Variants in COL19A1 observed in about 807,000 individuals in gnomAD.
The protein encoded by COL19A1 is collagen alpha-1(XIX) chain.
Under a neutral mutation model 190.2 loss-of-function variants are expected in COL19A1, and 159 were observed. That is an observed-to-expected ratio of 0.84 (90% CI 0.73 to 0.95). The LOEUF is 0.95. COL19A1 is among the 40% of genes least tolerant of loss of function. The pLI, the probability that COL19A1 is intolerant of heterozygous loss-of-function variation, is 0.00. For missense variants in COL19A1, 1,418 were observed against 1,431.9 expected (o/e 0.99, Z 0.16); for synonymous variants, 509 against 458.9 (o/e 1.11, Z -1.39).
intron 4 of COL19A1, among the ~76,000 whole-genome samples, chr6:69,906,777 T>A (rs1457635183): frequency 6.6e-6 from 1 of 152,220 alleles, no homozygotes; most frequent in East Asian, 1.9e-4. Context: ...TTTATGAAAG[T>A]AAAGATAATT....
intron 4 of COL19A1, among the ~76,000 whole-genome samples, chr6:69,911,909 T>C (rs1471026724): frequency 6.6e-6 from 1 of 152,208 alleles, no homozygotes; most frequent in Non-Finnish European, 1.5e-5. Flanking sequence ...CTCACAGACT[T>C]CTTAAAGGAA....
At chr6:70,103,281 G>T (rs1463766181) in intron 16 of COL19A1, among the ~76,000 whole-genome samples, 1 of 152,040 alleles carries the variant, frequency 6.6e-6, no homozygotes, top group Non-Finnish European at 1.5e-5. Flanking sequence ...CGTCTTCACT[G>T]TCAACGGCCT....
chr6:70,035,497 G>A (rs896398162), intron 13 of COL19A1, among the ~76,000 whole-genome samples: 5 of 152,170 alleles, frequency 3.3e-5, no homozygotes, highest in Admixed American at 1.3e-4. Flanking sequence ...ATGAAATGGG[G>A]AGATCCACTT....
intron 27 of COL19A1, among the ~76,000 whole-genome samples, chr6:70,147,873 C>A (rs1392524638): frequency 6.6e-6 from 1 of 152,162 alleles, no homozygotes; most frequent in Non-Finnish European, 1.5e-5. Context: ...ATGACCCCCA[C>A]CTCAGGTTCT....
intron 47 of COL19A1, 135 bp downstream of exon 47, chr6:70,188,380 G>A: frequency 9.7e-6 from 10 of 1,026,248 alleles, no homozygotes; most frequent in Non-Finnish European, 1.4e-5. Flanking sequence ...AATAATAGCT[G>A]TCATTTAAAG....
At chr6:70,115,614 C>T (rs182623491) in intron 16 of COL19A1, among the ~76,000 whole-genome samples, 11 of 152,216 alleles carry the variant, frequency 7.2e-5, no homozygotes, top group Admixed American at 6.5e-4. Flanking sequence ...AAAAGACCTC[C>T]TCCCAGGAAC....
At chr6:70,052,369 C>G (rs918714446) in intron 14 of COL19A1, among the ~76,000 whole-genome samples, 2 of 152,134 alleles carry the variant, frequency 1.3e-5, no homozygotes, top group Non-Finnish European at 2.9e-5. Context: ...AATAGAAATG[C>G]AAAAGACTCA....
At chr6:70,034,070 C>G (rs1191591983) in intron 12 of COL19A1, among the ~76,000 whole-genome samples, 175 bp from the exon 13 acceptor site, 3 of 152,134 alleles carry the variant, frequency 2.0e-5, no homozygotes, top group Non-Finnish European at 4.4e-5. Context: ...TCTGTGCCCA[C>G]CACGGCACAG....
At chr6:70,002,492 T>C (rs1777323266) in intron 11 of COL19A1, among the ~76,000 whole-genome samples, 1 of 151,928 alleles carries the variant, frequency 6.6e-6, no homozygotes, top group Non-Finnish European at 1.5e-5. Flanking sequence ...TCCTGGGCTT[T>C]TTTTTTGGTT....
intron 1 of COL19A1, among the ~76,000 whole-genome samples, chr6:69,867,032 A>C (rs1463203837): frequency 4.2e-4 from 63 of 151,770 alleles, no homozygotes; most frequent in Admixed American, 3.9e-3. Flanking sequence ...AATACATTAC[A>C]AAAAAAATGG....
Position 70,207,397 on chromosome 6 carries a change from C to T in COL19A1, c.*123C>T, listed in dbSNP as rs1767959684. ...TTTTTTTTTTTTTTTTGGGAGTAAG[C>T]CAGGCATTAAAAGCAACCGTTTGAA... On this transcript the variant is annotated 3_prime_UTR_variant, in exon 51 of 51. Transcript: ENST00000620364. 1.0e-6 allele frequency: 1 copy of T among 976,090 alleles called. No homozygotes were observed. Among genetic ancestry groups the T allele is most frequent in the Non-Finnish European group, 1.4e-6 (1 of 725,468 alleles). 60.5% of individuals were successfully genotyped at this position (976,090 alleles called of 1,614,324 possible).
At chr6:69,997,026 T>TATATATATAGAG (rs576813975) in intron 11 of COL19A1, among the ~76,000 whole-genome samples, 153 of 146,964 alleles carry the variant, frequency 1.0e-3, no homozygotes, top group South Asian at 5.3e-3. Flanking sequence ...TATATATATA[T>TATATATATAGAG]AGAGAGAGAG....
intron 11 of COL19A1, among the ~76,000 whole-genome samples, chr6:69,976,268 T>G (rs1775708307): frequency 6.6e-6 from 1 of 152,220 alleles, no homozygotes; most frequent in Non-Finnish European, 1.5e-5. Context: ...AGTGGTTATC[T>G]AGAATTAATG....
At chr6:69,875,814 C>T (rs1435075333) in intron 1 of COL19A1, among the ~76,000 whole-genome samples, 1 of 152,130 alleles carries the variant, frequency 6.6e-6, no homozygotes, top group East Asian at 1.9e-4. Context: ...GCTGGACACA[C>T]AGTCTAAAGT....
At chr6:69,966,182 G>A (rs770666974) in intron 11 of COL19A1, among the ~76,000 whole-genome samples, 39 of 152,046 alleles carry the variant, frequency 2.6e-4, no homozygotes, top group African/African-American at 8.7e-4. Flanking sequence ...CAGCTGCCCC[G>A]TGCGGGAGGT....
chr6:70,152,424 T>C lies in COL19A1; in HGVS notation c.2079+986T>C, dbSNP rs188509686. Among the ~76,000 whole-genome samples the C allele has an allele frequency of 9.1e-4, 139 of 152,222 alleles. 1 individual carries two copies. Among genetic ancestry groups the C allele is most frequent in the South Asian group, 1.9e-3 (9 of 4,834 alleles). On this transcript the variant is annotated intron_variant, in intron 31 of 50. Coordinates refer to ENST00000620364, the MANE Select transcript of COL19A1 (RefSeq NM_001858.6). ...TAAGGTAGAGTTTTGAGAATAGATATATAAACATAAGTGTAAATATGAATA... is the reference window on the plus strand; with the variant it reads ...TAAGGTAGAGTTTTGAGAATAGATACATAAACATAAGTGTAAATATGAATA...
chr6:70,034,563 A>G (rs1234615748), intron 13 of COL19A1, among the ~76,000 whole-genome samples: 1 of 152,186 alleles, frequency 6.6e-6, no homozygotes, highest in African/African-American at 2.4e-5. Context: ...GAGGTATTCA[A>G]TCATCAAATT....
chr6:69,911,538 TGTG>T (rs1423654150), intron 4 of COL19A1, among the ~76,000 whole-genome samples: 1 of 152,236 alleles, frequency 6.6e-6, no homozygotes, highest in Non-Finnish European at 1.5e-5. Context: ...TATGAACACA[TGTG>T]GTGATGCCAT....
intron 2 of COL19A1, among the ~76,000 whole-genome samples, chr6:69,896,840 C>CT (rs544831883): frequency 5.2e-4 from 79 of 152,160 alleles, no homozygotes; most frequent in Admixed American, 4.8e-3. Flanking sequence ...GATTTTCAAG[C>CT]TTTTTTTGTT....
Sources: gnomAD v4.1 joint callset for allele counts (sites outside exome capture counted in the v4.1 genomes callset) on GRCh38, gnomAD v4.1.1 for gene constraint, MANE v1.5 for transcripts, NCBI Gene and HGNC (gene_info 2026-07-23, HGNC 2026-07-21) for gene names.